Variants in LRIG1 observed in about 807,000 individuals in gnomAD.
The protein encoded by LRIG1 is leucine rich repeats and immunoglobulin like domains 1.
In LRIG1, 48 loss-of-function variants were observed where a neutral mutation model predicts 99.2. The ratio of observed to expected loss-of-function variants is 0.48; its 90% CI spans 0.38 to 0.62. The LOEUF (loss-of-function observed/expected upper bound fraction) is 0.62, where lower values mean the gene tolerates loss of function less well. Among genes scored for constraint, LRIG1 ranks in the 20% least tolerant of loss-of-function variants. The pLI is 0.00. For synonymous variants in LRIG1, 772 were observed against 596.1 expected (o/e 1.29, Z -4.30); for missense variants, 1,646 against 1,434.4 (o/e 1.15, Z -2.38).
At chr3:66,401,753 C>T in intron 9 of LRIG1, 8 of 1,093,456 alleles carry the variant, frequency 7.3e-6, no homozygotes, top group Non-Finnish European at 1.0e-5. Flanking sequence ...GCCGGGCTCC[C>T]TTTCAGAAGG....
intron 1 of LRIG1, among the ~76,000 whole-genome samples, chr3:66,474,958 T>C (rs1167342032): frequency 6.6e-6 from 1 of 152,192 alleles, no homozygotes; most frequent in African/African-American, 2.4e-5. Context: ...AAACACCATG[T>C]GTACTTCTAG....
Position 66,380,066 on chromosome 3 carries a change from C to CTTTTTTTGCCT in LRIG1, c.*186_*196dup. 1 of 507,010 alleles carries CTTTTTTTGCCT rather than the reference C, an allele frequency of 2.0e-6. No individual in the cohort carries two copies. Among genetic ancestry groups the CTTTTTTTGCCT allele is most frequent in the Non-Finnish European group, 3.5e-6 (1 of 286,802 alleles). 31.4% of individuals were successfully genotyped at this position (507,010 alleles called of 1,614,324 possible). On this transcript the variant is annotated 3_prime_UTR_variant, in exon 19 of 19. Coordinates refer to ENST00000273261, the MANE Select transcript of LRIG1 (RefSeq NM_015541.3). ...CTCTTATGTACAATGATATCAAATA[C>CTTTTTTTGCCT]TTTTTTTGCCTTTTGTACACAAATC...
intron 3 of LRIG1, among the ~76,000 whole-genome samples, chr3:66,446,971 G>A (rs1478439723): frequency 6.6e-6 from 1 of 151,882 alleles, no homozygotes; most frequent in Admixed American, 6.6e-5. Context: ...GGGGGGTGAT[G>A]AAAATGTTTT....
In LRIG1 at chr3:66,412,549, A is replaced by G. The variant is rs548458015; in HGVS notation, c.791+322T>C. On this transcript the variant is annotated intron_variant, in intron 6 of 18. Transcript: ENST00000273261. ...CAGGTTTGGCCCGGTCCCCAAGACA[A>G]TGAGTTGGGCCCAGGTGAAGCTGCA... is the stretch of plus-strand genomic sequence containing the variant. Among the ~76,000 whole-genome samples, 8 of 152,334 alleles carry G rather than the reference A, an allele frequency of 5.3e-5. No individual in the cohort carries two copies. In the East Asian group the frequency reaches 1.5e-3, roughly 29 times the overall value.
chr3:66,437,216 C>T (rs1703390367), intron 3 of LRIG1, among the ~76,000 whole-genome samples: 1 of 152,244 alleles, frequency 6.6e-6, no homozygotes, highest in South Asian at 2.1e-4. Context: ...TCCCAAACCA[C>T]CTGCTGGCCC....
intron 4 of LRIG1, 145 bp downstream of exon 4, chr3:66,416,984 T>C (rs1702634020): frequency 2.9e-6 from 3 of 1,047,696 alleles, no homozygotes; most frequent in East Asian, 4.8e-5. Flanking sequence ...TCAGGGAAGG[T>C]CTGAACCATC....
At chr3:66,460,851 C>T (rs1213352467) in intron 2 of LRIG1, among the ~76,000 whole-genome samples, 2 of 152,204 alleles carry the variant, frequency 1.3e-5, no homozygotes, top group Non-Finnish European at 2.9e-5. Context: ...TGTTCTGATG[C>T]TTCTTTAACT....
rs562546426 is a variant in LRIG1, at chr3:66,488,048, A to G, written c.218+12142T>C. Among the ~76,000 whole-genome samples, 39 of 152,284 alleles carry G rather than the reference A, an allele frequency of 2.6e-4. 1 individual carries two copies. Among genetic ancestry groups the G allele is most frequent in the African/African-American group, 9.1e-4 (38 of 41,572 alleles). On this transcript the variant is annotated intron_variant, in intron 1 of 18. Coordinates refer to ENST00000273261, the MANE Select transcript of LRIG1 (RefSeq NM_015541.3). ...ATTTTAAATCCGGAAGTTTCGTTTT[A>G]TGAAAATTTACACGATAAAGAATGA...
rs551061022 is a variant in LRIG1 at position 66,410,224 on chromosome 3, G to A, written c.840C>T (p.Tyr280=). The part of the protein sequence containing the change: ...SLVEVNSGSL[Y]GLTALHQLHL... ...GGAGCTGATGCAGGGCCGTGAGGCCGTAGAGCGAGCCGCTGTTCACTTCTA... is the reference window on the plus strand; with the variant it reads ...GGAGCTGATGCAGGGCCGTGAGGCCATAGAGCGAGCCGCTGTTCACTTCTA... Residue 280 remains tyrosine (Y), a synonymous_variant, in exon 7 of 19, where the codon TAC becomes TAT. Coordinates refer to ENST00000273261, the MANE Select transcript of LRIG1 (RefSeq NM_015541.3). The A allele has an allele frequency of 2.9e-5, 47 of 1,613,952 alleles. No homozygotes were observed. Among genetic ancestry groups the A allele is most frequent in the East Asian group, 1.8e-4 (8 of 44,888 alleles).
rs776061906 is a variant in LRIG1, at chr3:66,379,329, T to G, written c.*934A>C. 7.2e-5 allele frequency: 11 copies of G among 152,496 alleles called. No homozygotes were observed. The highest frequency in any genetic ancestry group is 1.6e-4 in the Non-Finnish European group (11 of 68,036). 9.4% of individuals were successfully genotyped at this position (152,496 alleles called of 1,614,324 possible). On this transcript the variant is annotated 3_prime_UTR_variant, in exon 19 of 19. Coordinates refer to ENST00000273261, the MANE Select transcript of LRIG1 (RefSeq NM_015541.3). Reference sequence around the variant, plus strand: ...TAAGGTAGCCCTGAAAAGTCAGAACTTCCTCCTTTCTGTCCCCCAAGGCCA... The same window carrying G: ...TAAGGTAGCCCTGAAAAGTCAGAACGTCCTCCTTTCTGTCCCCCAAGGCCA...
chr3:66,484,182 G>A (rs1197313309), intron 1 of LRIG1, among the ~76,000 whole-genome samples: 1 of 152,200 alleles, frequency 6.6e-6, no homozygotes, highest in Non-Finnish European at 1.5e-5. Context: ...GAAATACACA[G>A]ATGAAGCCTG....
intron 2 of LRIG1, among the ~76,000 whole-genome samples, chr3:66,461,904 T>C (rs576661852): frequency 3.3e-5 from 5 of 152,274 alleles, no homozygotes; most frequent in South Asian, 2.1e-4. Flanking sequence ...TAAGCCTCTA[T>C]AGTCCATCCT....
chr3:66,445,313 G>T (rs1054373973), intron 3 of LRIG1, among the ~76,000 whole-genome samples: 1 of 151,622 alleles, frequency 6.6e-6, no homozygotes, highest in African/African-American at 2.4e-5. Context: ...TTACCCAAAC[G>T]GACTGGCCAT....
At chr3:66,476,184 C>T (rs567752814) in intron 1 of LRIG1, among the ~76,000 whole-genome samples, 3 of 152,146 alleles carry the variant, frequency 2.0e-5, no homozygotes, top group Non-Finnish European at 4.4e-5. Context: ...ACTCGAAATG[C>T]GCAGAGATTA....
chr3:66,381,643 T>C lies in LRIG1; in HGVS notation c.2618-12A>G. The C allele has an allele frequency of 6.2e-7, 1 of 1,608,744 alleles. No homozygotes were observed. The highest frequency in any genetic ancestry group is 8.5e-7 in the Non-Finnish European group (1 of 1,175,602). On this transcript the variant is annotated splice_polypyrimidine_tract_variant and intron_variant, in intron 16 of 18. Transcript: ENST00000273261. The stretch of plus-strand genomic sequence containing the variant: ...TCTTGGACACACACCTGCAAGTGGA[T>C]TCCAACACGATTAGAAACTCTGGGC...
At chr3:66,471,932 C>T (rs1251935324) in intron 1 of LRIG1, among the ~76,000 whole-genome samples, 1 of 152,188 alleles carries the variant, frequency 6.6e-6, no homozygotes, top group African/African-American at 2.4e-5. Flanking sequence ...TGTCCACTTT[C>T]AGGAGACTGA....
intron 1 of LRIG1, among the ~76,000 whole-genome samples, chr3:66,484,993 C>T (rs1389728193): frequency 6.6e-6 from 1 of 151,576 alleles, no homozygotes; most frequent in African/African-American, 2.4e-5. Flanking sequence ...GTCTCTACCC[C>T]CAAAAAATAC....
intron 3 of LRIG1, among the ~76,000 whole-genome samples, chr3:66,428,198 A>G (rs1051904695): frequency 3.9e-5 from 6 of 152,220 alleles, no homozygotes; most frequent in African/African-American, 1.4e-4. Context: ...TTGAGCTTGC[A>G]TATGTCTGGC....
chr3:66,439,658 T>C (rs9879683), intron 3 of LRIG1, among the ~76,000 whole-genome samples: 5,909 of 152,190 alleles, frequency 0.039, 377 homozygotes, highest in African/African-American at 0.13. Flanking sequence ...GCCTATTGTT[T>C]TACTATAAAG....
Sources: gnomAD v4.1 joint callset for allele counts (sites outside exome capture counted in the v4.1 genomes callset) on GRCh38, gnomAD v4.1.1 for gene constraint, MANE v1.5 for transcripts, NCBI Gene and HGNC (gene_info 2026-07-23, HGNC 2026-07-21) for gene names.